The following HHAT variants were observed in gnomAD, a reference collection of about 807,000 sequenced individuals.
HHAT encodes hedgehog acyltransferase.
Under a neutral mutation model 70.8 loss-of-function variants are expected in HHAT, and 47 were observed. The ratio of observed to expected loss-of-function variants is 0.66; its 90% confidence interval spans 0.53 to 0.85. The LOEUF (loss-of-function observed/expected upper bound fraction) is 0.85. Among genes scored for constraint, HHAT ranks in the 40% least tolerant of loss-of-function variants. The pLI, the probability that HHAT is intolerant of heterozygous loss-of-function variation, is 0.00. For synonymous variants in HHAT, 228 were observed against 247.6 expected, an observed-to-expected ratio of 0.92 and a Z score of 0.74; for missense variants, 609 against 604.8, an observed-to-expected ratio of 1.01 and a Z score of -0.07.
At chr1:210,609,661 C>T (rs1413526307) in intron 10 of HHAT, among the ~76,000 whole-genome samples, 1 of 152,062 alleles carries the variant, frequency 6.6e-6, no homozygotes, top group African/African-American at 2.4e-5. Flanking sequence ...GATGCTTTCC[C>T]TCTCCCTAGC....
chr1:210,329,124 A>AGG lies in HHAT; in HGVS notation c.-44+24_-44+25dup. On this transcript the variant is annotated intron_variant, in intron 1 of 11. Transcript: ENST00000261458. ...CCGGAGGTTGGTAACTGGTGACCAT[A>AGG]GGGGGTCCTGGGGAGGTTAGATGCT... The AGG allele has an allele frequency of 4.4e-6, 6 of 1,355,772 alleles. No individual in the cohort carries two copies. Among genetic ancestry groups the AGG allele is most frequent in the Non-Finnish European group, 5.7e-6 (6 of 1,051,938 alleles). 84.0% of individuals were successfully genotyped at this position (1,355,772 alleles called of 1,614,324 possible). A position where few individuals can be genotyped will look rare whatever the true frequency, so the allele number is the denominator to read the frequency against.
intron 8 of HHAT, among the ~76,000 whole-genome samples, chr1:210,471,565 A>C (rs2206608): frequency 6.6e-6 from 1 of 151,786 alleles, no homozygotes; most frequent in Non-Finnish European, 1.5e-5. Context: ...ACAGAGGAAG[A>C]TGAGGAACTG....
intron 10 of HHAT, among the ~76,000 whole-genome samples, chr1:210,593,096 T>C (rs1662126950): frequency 6.6e-6 from 1 of 152,138 alleles, no homozygotes; most frequent in African/African-American, 2.4e-5. Context: ...GTTCTCATTG[T>C]TCAATTCCCA....
At chr1:210,576,523 G>T (rs1405094288) in intron 9 of HHAT, among the ~76,000 whole-genome samples, 1 of 135,222 alleles carries the variant, frequency 7.4e-6, no homozygotes, top group Admixed American at 7.3e-5. Flanking sequence ...TTGTGGGGTC[G>T]GGGGAGGGGG....
chr1:210,355,813 G>A (rs528671971), intron 2 of HHAT, among the ~76,000 whole-genome samples: 1 of 152,316 alleles, frequency 6.6e-6, no homozygotes, highest in Non-Finnish European at 1.5e-5. Flanking sequence ...GTCTAGGCAT[G>A]AAATCTCTTT....
intron 11 of HHAT, among the ~76,000 whole-genome samples, chr1:210,651,030 G>T (rs188025599): frequency 3.9e-5 from 6 of 152,288 alleles, no homozygotes; most frequent in Admixed American, 2.6e-4. Flanking sequence ...TCATCCCTAG[G>T]GGGAGAGAGG....
At chr1:210,339,505 C>A (rs937487914) in intron 1 of HHAT, among the ~76,000 whole-genome samples, 1 of 152,148 alleles carries the variant, frequency 6.6e-6, no homozygotes, top group Non-Finnish European at 1.5e-5. Flanking sequence ...GAGCCTGGTC[C>A]TTAAGGGATG....
At chr1:210,438,533 C>T (rs1261845581) in intron 7 of HHAT, among the ~76,000 whole-genome samples, 1 of 151,736 alleles carries the variant, frequency 6.6e-6, no homozygotes, top group African/African-American at 2.4e-5. Flanking sequence ...TTCTGATATG[C>T]TCATACTTAT....
rs111276600 is a variant in HHAT, at chr1:210,469,765, C to T, written c.1007+5110C>T. Among the ~76,000 whole-genome samples the T allele has an allele frequency of 4.3e-3, 660 of 152,162 alleles. 3 individuals carry two copies. The highest frequency in any genetic ancestry group is 0.015 in the African/African-American group (617 of 41,516). ...CTCATAGTGGCCTCTACCTCCTGGG[C>T]TCAGGTGATCCTCCTGCCTCAGCTT... On this transcript the variant is annotated intron_variant, in intron 8 of 11. Coordinates refer to ENST00000261458, the MANE Select transcript of HHAT (RefSeq NM_018194.6).
At chr1:210,515,566 G>A (rs2095039808) in intron 9 of HHAT, among the ~76,000 whole-genome samples, 1 of 150,264 alleles carries the variant, frequency 6.7e-6, no homozygotes, top group Admixed American at 6.6e-5. Context: ...GACCATCCTG[G>A]CTAACACGGT....
chr1:210,483,198 A>G (rs972192522), intron 8 of HHAT, among the ~76,000 whole-genome samples: 1 of 152,154 alleles, frequency 6.6e-6, no homozygotes, highest in Non-Finnish European at 1.5e-5. Context: ...AAAATTCACA[A>G]ACTTTTATTT....
chr1:210,499,679 A>G (rs895531168), intron 8 of HHAT, among the ~76,000 whole-genome samples: 5 of 152,040 alleles, frequency 3.3e-5, no homozygotes, highest in African/African-American at 1.2e-4. Flanking sequence ...GAAAATAGCC[A>G]TATTCACTTA....
At position 210,674,261 on chromosome 1, in the gene HHAT, T is replaced by C. The variant is rs369789978; in HGVS notation, c.1391-27T>C. ...TCCTGCCCCAAGCATTTCTAACTGCTCTTCCATCTCTGTCCTCCCTCTGCA... is the reference window on the plus strand; with the variant it reads ...TCCTGCCCCAAGCATTTCTAACTGCCCTTCCATCTCTGTCCTCCCTCTGCA... On this transcript the variant is annotated intron_variant, in intron 11 of 11. Coordinates refer to ENST00000261458, the MANE Select transcript of HHAT (RefSeq NM_018194.6). The C allele has an allele frequency of 5.7e-6, 9 of 1,580,568 alleles. No individual in the cohort carries two copies. The African/African-American group carries it at 1.2e-4, about 21-fold the overall frequency.
chr1:210,583,589 G>A (rs923161799), intron 9 of HHAT, among the ~76,000 whole-genome samples: 2 of 152,128 alleles, frequency 1.3e-5, no homozygotes, highest in African/African-American at 2.4e-5. Flanking sequence ...TTTACCACAC[G>A]TACTGTCTTC....
At chr1:210,417,023 G>A (rs1047321487) in intron 6 of HHAT, among the ~76,000 whole-genome samples, 1 of 152,134 alleles carries the variant, frequency 6.6e-6, no homozygotes, top group Non-Finnish European at 1.5e-5. Context: ...ATTTTTTAAA[G>A]AAGAAAATTC....
Position 210,602,345 on chromosome 1 carries a change from T to C in HHAT, c.1245+14246T>C, listed in dbSNP as rs371784431. The stretch of plus-strand genomic sequence containing the variant: ...CAGAGGCCCCTGATGTTCATGGTGG[T>C]CAGTGTGAGCTAAGCTTTTGGGAAA... On this transcript the variant is annotated intron_variant, in intron 10 of 11. Transcript: ENST00000261458. Among the ~76,000 whole-genome samples the C allele has an allele frequency of 3.9e-5, 6 of 152,202 alleles. No homozygotes were observed. In the South Asian group the frequency reaches 6.2e-4, roughly 16 times the overall value.
intron 7 of HHAT, among the ~76,000 whole-genome samples, chr1:210,446,196 A>T (rs1208433593): frequency 6.6e-6 from 1 of 152,160 alleles, no homozygotes; most frequent in Non-Finnish European, 1.5e-5. Context: ...CCAAAAGACA[A>T]CTGGGGCCTC....
chr1:210,449,170 C>T (rs978275825), intron 7 of HHAT, among the ~76,000 whole-genome samples: 3 of 152,168 alleles, frequency 2.0e-5, no homozygotes, highest in African/African-American at 7.2e-5. Context: ...CCGGGTCCCT[C>T]TGCCATGTCT....
intron 7 of HHAT, among the ~76,000 whole-genome samples, chr1:210,453,305 T>C (rs2093792623): frequency 6.6e-6 from 1 of 152,214 alleles, no homozygotes; most frequent in Admixed American, 6.5e-5. Context: ...CCTAAGGTTA[T>C]TTAAAATTAA....
Sources: gnomAD v4.1 joint callset for allele counts (sites outside exome capture counted in the v4.1 genomes callset) on GRCh38, gnomAD v4.1.1 for gene constraint, MANE v1.5 for transcripts, NCBI Gene and HGNC (gene_info 2026-07-23, HGNC 2026-07-21) for gene names.